Variants in NPAS1 observed in about 807,000 individuals in gnomAD.
The protein encoded by NPAS1 is neuronal PAS domain protein 1.
NPAS1 carries 29 observed loss-of-function variants against 49.2 expected under a neutral mutation model. The ratio of observed to expected loss-of-function variants is 0.59; its 90% confidence interval spans 0.44 to 0.80. The LOEUF (loss-of-function observed/expected upper bound fraction) is 0.80, where lower values mean the gene tolerates loss of function less well. Ranked by LOEUF, NPAS1 falls within the 30% of genes least tolerant of loss-of-function variation. The pLI is 0.00. For synonymous variants in NPAS1, 408 were observed against 380.4 expected, an observed-to-expected ratio of 1.07 and a Z score of -0.84; for missense variants, 825 against 835.5, an observed-to-expected ratio of 0.99 and a Z score of 0.15.
chr19:47,037,866 G>C (rs2056974286), intron 6 of NPAS1, among the ~76,000 whole-genome samples: 2 of 152,196 alleles, frequency 1.3e-5, no homozygotes, highest in South Asian at 2.1e-4. Flanking sequence ...GAAGGATCTG[G>C]ATTTGTGAGT....
At chr19:47,020,023 G>A (rs1166565296) in intron 1 of NPAS1, 26 bp downstream of exon 1, 4 of 390,400 alleles carry the variant, frequency 1.0e-5, no homozygotes, top group African/African-American at 8.3e-5. Flanking sequence ...GGGCTGGCAG[G>A]AGGGGGACTT....
Position 47,039,526 on chromosome 19 carries a change from T to A in NPAS1, c.924T>A (p.Arg308=), listed in dbSNP as rs1296197265. Residue 308 remains arginine, a synonymous_variant, in exon 8 of 12, where the codon CGT becomes CGA. Transcript: ENST00000602212. ...TCCATGGACACATGATCGTCTTCCG[T>A]CTCAGCCTGGGTCTCACCATCCTTG... The part of the protein sequence containing the change: ...LPLHGHMIVF[R]LSLGLTILAC... The A allele has an allele frequency of 1.2e-6, 2 of 1,604,642 alleles. No homozygotes were observed. Among genetic ancestry groups the A allele is most frequent in the South Asian group, 2.2e-5 (2 of 90,186 alleles).
intron 1 of NPAS1, chr19:47,020,789 CG>C: frequency 3.4e-6 from 1 of 293,752 alleles, no homozygotes; most frequent in Non-Finnish European, 6.2e-6. Flanking sequence ...GCGGGCGGCG[CG>C]GGGGAGGCGG....
At chr19:47,035,925 A>C (rs914591207) in intron 5 of NPAS1, 39 bp from the exon 6 acceptor site, 1 of 1,474,250 alleles carries the variant, frequency 6.8e-7, no homozygotes, top group East Asian at 2.5e-5. Context: ...CTGCGCGCGC[A>C]CCTCACCCGC....
chr19:47,044,131 T>C (rs2057050182), intron 11 of NPAS1, among the ~76,000 whole-genome samples: 1 of 152,326 alleles, frequency 6.6e-6, no homozygotes, highest in African/African-American at 2.4e-5. Context: ...TGGAGTGCAA[T>C]AGCACAATCT....
At chr19:47,024,204 T>C (rs994190137) in intron 3 of NPAS1, among the ~76,000 whole-genome samples, 2 of 152,178 alleles carry the variant, frequency 1.3e-5, no homozygotes, top group Non-Finnish European at 2.9e-5. Flanking sequence ...GGAGGACTGC[T>C]TGAGCTGAGG....
intron 5 of NPAS1, 22 bp downstream of exon 5, chr19:47,032,754 T>G: frequency 6.3e-7 from 1 of 1,578,166 alleles, no homozygotes; most frequent in South Asian, 1.1e-5. Context: ...CCAGTGGACC[T>G]GGATTGGCTC....
At position 47,021,848 on chromosome 19, in the gene NPAS1, G is replaced by GGGCGCA. The variant is rs899259781; in HGVS notation, c.358+1_358+2insGGCGCA. 1.3e-6 allele frequency: 2 copies of GGGCGCA among 1,483,844 alleles called. No individual in the cohort carries two copies. Among genetic ancestry groups the GGGCGCA allele is most frequent in the Admixed American group, 2.3e-5 (1 of 43,708 alleles). The allele number at this position is 1,483,844 out of a possible 1,614,324, so 91.9% of individuals were successfully genotyped here. Reference sequence around the variant, plus strand: ...GCCGCGGGGCCGCCAGCTGGCCTCGGTGAGTGCTCATGCGCGGGGCGAGGG... The same window carrying GGGCGCA: ...GCCGCGGGGCCGCCAGCTGGCCTCGGGGCGCATGAGTGCTCATGCGCGGGGCGAGGG... On this transcript the variant is annotated splice_donor_variant, in intron 3 of 11. Coordinates refer to ENST00000602212, the MANE Select transcript of NPAS1 (RefSeq NM_002517.4). LOFTEE classifies it high-confidence loss of function. This position sits in a 1 kb window ranked among gnomAD's most constrained non-coding sequence, Gnocchi z 5.7.
intron 8 of NPAS1, among the ~76,000 whole-genome samples, chr19:47,040,088 T>C (rs1209074285): frequency 6.6e-6 from 1 of 152,088 alleles, no homozygotes; most frequent in Non-Finnish European, 1.5e-5. Context: ...AGTGGCGCAA[T>C]CTCAGCTCAC....
chr19:47,034,311 T>A, intron 5 of NPAS1, among the ~76,000 whole-genome samples: 1 of 74,122 alleles, frequency 1.3e-5, no homozygotes, highest in Admixed American at 1.8e-4. Context: ...CAAAACTCCG[T>A]CTCAAAAAAA....
In NPAS1 at chr19:47,021,797, TG is replaced by T. The variant is rs1353143955; in HGVS notation, c.313del (p.Ala105ArgfsTer6). 2.6e-6 allele frequency: 4 copies of T among 1,529,800 alleles called. No individual in the cohort carries two copies. Among genetic ancestry groups the T allele is most frequent in the Admixed American group, 2.0e-5 (1 of 49,774 alleles). The allele number at this position is 1,529,800 out of a possible 1,614,324, so 94.8% of individuals were successfully genotyped here. ...TYLRLRRFAA[L>X]GAPPWGLRAA... is the part of the protein sequence containing the mutation. ...CTCCGCCTGCGCCGGTTCGCCGCGC[TG>T]GGGGCGCCGCCCTGGGGGCTGAGAG... On this transcript the variant is annotated frameshift_variant, in exon 3 of 12. Transcript: ENST00000602212. LOFTEE classifies it high-confidence loss of function. The surrounding 1 kb of genome is among the most constrained non-coding windows in gnomAD (Gnocchi z 5.7).
At chr19:47,036,842 AC>A (rs1419576712) in intron 6 of NPAS1, among the ~76,000 whole-genome samples, 4 of 151,904 alleles carry the variant, frequency 2.6e-5, no homozygotes, top group African/African-American at 9.7e-5. Context: ...AGATTGTGCC[AC>A]TGCACTCCAG....
intron 3 of NPAS1, among the ~76,000 whole-genome samples, chr19:47,030,794 T>C (rs1300868840): frequency 1.3e-5 from 2 of 151,914 alleles, no homozygotes; most frequent in South Asian, 4.2e-4. Flanking sequence ...GCTGGAATTA[T>C]AGGCACCCGC....
At chr19:47,032,146 T>C in intron 3 of NPAS1, 132 bp from the exon 4 acceptor site, 1 of 746,094 alleles carries the variant, frequency 1.3e-6, no homozygotes, top group South Asian at 1.8e-5. Context: ...CTCTCCCCCA[T>C]GGGTGCCCAG....
intron 9 of NPAS1, 44 bp from the exon 10 acceptor site, chr19:47,040,934 T>C: frequency 7.0e-7 from 1 of 1,426,600 alleles, no homozygotes. Context: ...CTTGCCCCTG[T>C]CCCCACCCCA....
In NPAS1 at chr19:47,045,254, A is replaced by G; in HGVS notation, c.1376A>G (p.Gln459Arg). The G allele has an allele frequency of 6.2e-7, 1 of 1,613,984 alleles. No homozygotes were observed. Among genetic ancestry groups the G allele is most frequent in the Non-Finnish European group, 8.5e-7 (1 of 1,179,986 alleles). ...APAENEAPQTQGKRIKVEPGP... is the reference protein window; with the variant it reads ...APAENEAPQTRGKRIKVEPGP... ...GCGGAGAACGAGGCCCCCCAGACCCAGGGCAAACGCATCAAAGTGGAGCCC... is the reference window on the plus strand; with the variant it reads ...GCGGAGAACGAGGCCCCCCAGACCCGGGGCAAACGCATCAAAGTGGAGCCC... The change falls in exon 12 of 12, where the codon CAG becomes CGG. Residue 459 changes from glutamine to arginine, a missense_variant. Physicochemically the swap from Gln to Arg is conservative, Grantham distance 43 (BLOSUM62 1). Coordinates refer to ENST00000602212, the MANE Select transcript of NPAS1 (RefSeq NM_002517.4).
rs761909449 is a variant in NPAS1, at chr19:47,036,119, C to T, written c.678C>T (p.Thr226=). ...CCTCTTCCTCTTCGCTTGCAGATACCCCCGAGATCGGTAATTCTAAGGGCT... is the reference window on the plus strand; with the variant it reads ...CCTCTTCCTCTTCGCTTGCAGATACTCCCGAGATCGGTAATTCTAAGGGCT... ...SSSSSSSLAD[T]PEIEASLTKV... Residue 226 remains threonine (T), a synonymous_variant, in exon 6 of 12, where the codon ACC becomes ACT. Transcript: ENST00000602212. 31 of 1,561,724 alleles carry T rather than the reference C, an allele frequency of 2.0e-5. No individual in the cohort carries two copies. The highest frequency in any genetic ancestry group is 2.7e-5 in the Non-Finnish European group (31 of 1,153,558).
chr19:47,023,278 G>T lies in NPAS1; in HGVS notation c.358+1431G>T, dbSNP rs188367550. On this transcript the variant is annotated intron_variant, in intron 3 of 11. Coordinates refer to ENST00000602212, the MANE Select transcript of NPAS1 (RefSeq NM_002517.4). ...GTCCCCGAGCTGAAGGGGGGGAAAG[G>T]GGGGGCTAAGAGAGCCCCGGCGGCG... 7.9e-5 allele frequency among the ~76,000 whole-genome samples: 12 copies of T among 152,236 alleles called. No individual in the cohort carries two copies. In the East Asian group the frequency reaches 1.7e-3, roughly 22 times the overall value.
chr19:47,040,845 T>A, intron 9 of NPAS1, 133 bp from the exon 10 acceptor site: 3 of 759,028 alleles, frequency 4.0e-6, no homozygotes, highest in Non-Finnish European at 6.2e-6. Context: ...TTTCACCTTT[T>A]TCTCTTCTCC....
Sources: gnomAD v4.1 joint callset for allele counts (sites outside exome capture counted in the v4.1 genomes callset) on GRCh38, gnomAD v4.1.1 for gene constraint, Gnocchi (gnomAD v3.1) non-coding constraint, MANE v1.5 for transcripts, NCBI Gene and HGNC (gene_info 2026-07-23, HGNC 2026-07-21) for gene names.